CADPS2: variants seen among roughly 807,000 people sequenced by gnomAD.
The protein encoded by CADPS2 is calcium-dependent secretion activator 2.
A neutral mutation model predicts 172.5 loss-of-function variants in CADPS2; 93 were observed. That is an observed-to-expected ratio of 0.54 (90% CI 0.46 to 0.64). CADPS2 has a LOEUF of 0.64. Ranked by LOEUF, CADPS2 falls within the 30% of genes least tolerant of loss-of-function variation. The pLI is 0.00. For synonymous variants in CADPS2, 546 were observed against 555.2 expected (o/e 0.98, Z 0.23); for missense variants, 1,420 against 1,565.9 (o/e 0.91, Z 1.57).
intron 28 of CADPS2, among the ~76,000 whole-genome samples, chr7:122,336,682 G>A (rs2035906811): frequency 6.6e-6 from 1 of 152,142 alleles, no homozygotes; most frequent in Non-Finnish European, 1.5e-5. Context: ...TACTGGCTCA[G>A]GTGGATGAAT....
chr7:122,411,062 A>C (rs2047243979), intron 19 of CADPS2, among the ~76,000 whole-genome samples: 2 of 152,120 alleles, frequency 1.3e-5, no homozygotes, highest in African/African-American at 2.4e-5. Flanking sequence ...TTCTTAAGGG[A>C]GGCATATGGC....
At chr7:122,582,058 T>A (rs1329261960) in intron 6 of CADPS2, among the ~76,000 whole-genome samples, 3 of 151,796 alleles carry the variant, frequency 2.0e-5, no homozygotes, top group African/African-American at 7.3e-5. Context: ...CTCACAACTC[T>A]GAGAGATCAG....
intron 1 of CADPS2, among the ~76,000 whole-genome samples, chr7:122,809,405 TA>T (rs560420249): frequency 0.072 from 8,667 of 120,790 alleles, 268 homozygotes; most frequent in African/African-American, 0.084. Flanking sequence ...CCATCTCTAC[TA>T]AAAAAAAAAA....
chr7:122,789,551 C>G (rs1394074052), intron 1 of CADPS2, among the ~76,000 whole-genome samples: 1 of 152,124 alleles, frequency 6.6e-6, no homozygotes, highest in African/African-American at 2.4e-5. Flanking sequence ...GTTCCCAAAC[C>G]TAGAGGACAC....
chr7:122,411,425 C>T (rs973107568), intron 19 of CADPS2, among the ~76,000 whole-genome samples: 4 of 151,632 alleles, frequency 2.6e-5, no homozygotes, highest in South Asian at 2.1e-4. Context: ...TCGCCATGTT[C>T]GCCAGGCTGA....
At chr7:122,401,770 C>T (rs180773993) in intron 20 of CADPS2, among the ~76,000 whole-genome samples, 2 of 152,164 alleles carry the variant, frequency 1.3e-5, no homozygotes, top group Non-Finnish European at 2.9e-5. Context: ...GAAGTGAGAG[C>T]TTGGTCTTTT....
intron 11 of CADPS2, among the ~76,000 whole-genome samples, chr7:122,488,039 A>G (rs1456847641): frequency 2.0e-5 from 3 of 152,228 alleles, no homozygotes; most frequent in Admixed American, 1.3e-4. Context: ...GGAAATTCAC[A>G]TTAAATGCTG....
At chr7:122,865,110 C>T (rs746055324) in intron 1 of CADPS2, among the ~76,000 whole-genome samples, 1 of 152,070 alleles carries the variant, frequency 6.6e-6, no homozygotes, top group Non-Finnish European at 1.5e-5. Flanking sequence ...TGTTAGTTTC[C>T]GTGAGGGATG....
At chr7:122,358,615 T>G (rs563821207) in intron 27 of CADPS2, among the ~76,000 whole-genome samples, 2 of 152,238 alleles carry the variant, frequency 1.3e-5, no homozygotes, top group East Asian at 3.9e-4. Context: ...CTGTTTTCAG[T>G]TAATTTTTGT....
At chr7:122,580,221 G>T (rs1459981966) in intron 7 of CADPS2, among the ~76,000 whole-genome samples, 1 of 152,058 alleles carries the variant, frequency 6.6e-6, no homozygotes, top group Non-Finnish European at 1.5e-5. Flanking sequence ...TTGGGAGGCT[G>T]AAGCGAGTGG....
At chr7:122,458,313 A>C (rs1277667142) in intron 14 of CADPS2, among the ~76,000 whole-genome samples, 1 of 152,216 alleles carries the variant, frequency 6.6e-6, no homozygotes, top group Admixed American at 6.5e-5. Flanking sequence ...AAATGATAAA[A>C]GATGATGAGG....
At chr7:122,496,743 G>C (rs1475380523) in intron 9 of CADPS2, among the ~76,000 whole-genome samples, 4 of 152,020 alleles carry the variant, frequency 2.6e-5, no homozygotes, top group Admixed American at 6.6e-5. Flanking sequence ...GACATGTTCT[G>C]CTTAACACAT....
At chr7:122,801,715 A>G (rs1363819155) in intron 1 of CADPS2, among the ~76,000 whole-genome samples, 1 of 152,158 alleles carries the variant, frequency 6.6e-6, no homozygotes, top group East Asian at 1.9e-4. Context: ...TCTTTCCTGA[A>G]CAAATTATAT....
At chr7:122,461,695 AG>A (rs1468939844) in intron 14 of CADPS2, among the ~76,000 whole-genome samples, 2 of 152,108 alleles carry the variant, frequency 1.3e-5, no homozygotes, top group Non-Finnish European at 2.9e-5. Context: ...CTCAGGTTCC[AG>A]TGATTCTCCT....
chr7:122,438,222 C>T, intron 17 of CADPS2, 119 bp downstream of exon 17: 1 of 1,262,528 alleles, frequency 7.9e-7, no homozygotes. Context: ...TTTAATGAGA[C>T]ATTTCCCTTT....
intron 1 of CADPS2, among the ~76,000 whole-genome samples, chr7:122,810,012 T>A (rs914982196): frequency 2.0e-5 from 3 of 152,166 alleles, no homozygotes; most frequent in Non-Finnish European, 2.9e-5. Context: ...CATGGTGTAT[T>A]CTACTTGAAG....
intron 20 of CADPS2, among the ~76,000 whole-genome samples, chr7:122,406,779 C>G (rs1024004529): frequency 6.6e-6 from 1 of 152,108 alleles, no homozygotes; most frequent in Non-Finnish European, 1.5e-5. Flanking sequence ...TGCATCATGA[C>G]AAGAATTTTA....
intron 27 of CADPS2, among the ~76,000 whole-genome samples, chr7:122,351,593 T>C (rs1156370844): frequency 6.6e-6 from 1 of 151,978 alleles, no homozygotes; most frequent in Non-Finnish European, 1.5e-5. Context: ...TTAGAGCATG[T>C]AACATGTGTT....
At chr7:122,517,399 T>C (rs28415072) in intron 8 of CADPS2, among the ~76,000 whole-genome samples, 3,301 of 152,194 alleles carry the variant, frequency 0.022, 110 homozygotes, top group African/African-American at 0.076. Context: ...ATGTCTTCAT[T>C]TCTCCTGGGT....
Sources: gnomAD v4.1 joint callset for allele counts (sites outside exome capture counted in the v4.1 genomes callset) on GRCh38, gnomAD v4.1.1 for gene constraint, MANE v1.5 for transcripts, NCBI Gene and HGNC (gene_info 2026-07-23, HGNC 2026-07-21) for gene names.